The following SPATA21 variants were observed in gnomAD, a reference collection of about 807,000 sequenced individuals.
The protein encoded by SPATA21 is spermatogenesis-associated protein 21.
SPATA21 carries 47 observed loss-of-function variants against 54.8 expected under a neutral mutation model. The observed-to-expected ratio is 0.86, with a 90% CI of 0.68 to 1.09. The LOEUF (loss-of-function observed/expected upper bound fraction) is 1.09, where lower values mean the gene tolerates loss of function less well. Among genes scored for constraint, SPATA21 ranks in the 50% least tolerant of loss-of-function variants. The pLI, the probability that SPATA21 is intolerant of heterozygous loss-of-function variation, is 0.00. For missense variants in SPATA21, 599 were observed against 596.4 expected (o/e 1.00, Z -0.05); for synonymous variants, 245 against 235.3 (o/e 1.04, Z -0.38).
At chr1:16,427,816 C>T (rs1174789554) in intron 3 of SPATA21, 5 of 1,513,926 alleles carry the variant, frequency 3.3e-6, no homozygotes, top group Admixed American at 2.0e-5. Context: ...GGGTGGGCTA[C>T]AGGGGGTTCT....
intron 3 of SPATA21, among the ~76,000 whole-genome samples, chr1:16,427,622 C>T (rs755584322): frequency 6.6e-6 from 1 of 151,888 alleles, no homozygotes; most frequent in Non-Finnish European, 1.5e-5. Context: ...GAGGTTGAAC[C>T]AGGTATATGA....
chr1:16,405,409 G>T (rs2085600927), intron 7 of SPATA21, among the ~76,000 whole-genome samples: 1 of 149,084 alleles, frequency 6.7e-6, no homozygotes, highest in South Asian at 2.2e-4. Context: ...CAGCTAGGCT[G>T]AGATAGGAGG....
chr1:16,407,319 C>T (rs2085674842), intron 7 of SPATA21, among the ~76,000 whole-genome samples: 1 of 152,128 alleles, frequency 6.6e-6, no homozygotes, highest in African/African-American at 2.4e-5. Context: ...CTTCAATTAC[C>T]AGACAGGGAT....
intron 10 of SPATA21, among the ~76,000 whole-genome samples, chr1:16,402,600 A>C (rs2085490555): frequency 7.7e-6 from 1 of 130,548 alleles, no homozygotes; most frequent in Non-Finnish European, 1.7e-5. Context: ...TCTGTCACCA[A>C]GGCTGGAGTG....
At chr1:16,419,168 T>C (rs2086101506) in intron 5 of SPATA21, among the ~76,000 whole-genome samples, 1 of 152,268 alleles carries the variant, frequency 6.6e-6, no homozygotes, top group African/African-American at 2.4e-5. Flanking sequence ...GAAAAACTGA[T>C]GTCGAAATTG....
In SPATA21 at chr1:16,409,804, A is replaced by G. The variant is rs762361675; in HGVS notation, c.384T>C (p.Pro128=). 1 of 1,599,686 alleles carries G rather than the reference A, an allele frequency of 6.3e-7. No homozygotes were observed. The highest frequency in any genetic ancestry group is 2.2e-5 in the East Asian group (1 of 44,760). Residue 128 remains proline, a synonymous_variant, in exon 6 of 13, where the codon CCT becomes CCC. Coordinates refer to ENST00000335496, the MANE Select transcript of SPATA21 (RefSeq NM_198546.1). This position sits in a 1 kb window ranked among gnomAD's most constrained non-coding sequence, Gnocchi z 4.1. Reference sequence around the variant, plus strand: ...TGGCAGGGACCGAGGCAGGGGTCTGAGGCAGGCTTGGAGCTGAGGTGGGCA... The same window carrying G: ...TGGCAGGGACCGAGGCAGGGGTCTGGGGCAGGCTTGGAGCTGAGGTGGGCA... ...TPVPTSAPSL[P]QTPASVPASG... is the part of the protein sequence containing the mutation.
At chr1:16,399,898 C>G (rs182241559) in intron 11 of SPATA21, among the ~76,000 whole-genome samples, 1 of 152,132 alleles carries the variant, frequency 6.6e-6, no homozygotes, top group African/African-American at 2.4e-5. Flanking sequence ...TAAATGGTAC[C>G]TGGGGGAAGG....
rs1279678849 is a variant in SPATA21, at chr1:16,409,724, C to T, written c.464G>A (p.Gly155Glu). ...PAPGPEPAPM[G>E]APVPTSMPCP... is the part of the protein sequence containing the mutation. ...AGGCATGGAGGTGGGGACCGGGGCT[C>T]CCATGGGGGCAGGTTCTGGCCCAGG... The change falls in exon 6 of 13, where the codon GGA becomes GAA. Residue 155 changes from glycine (G) to glutamate (E), a missense_variant. Physicochemically the swap from Gly to Glu is moderately conservative, Grantham distance 98 (BLOSUM62 -2). Transcript: ENST00000335496. The surrounding 1 kb of genome is among the most constrained non-coding windows in gnomAD (Gnocchi z 4.1). 1 of 1,612,040 alleles carries T rather than the reference C, an allele frequency of 6.2e-7. No homozygotes were observed. The highest frequency in any genetic ancestry group is 8.5e-7 in the Non-Finnish European group (1 of 1,179,554).
chr1:16,418,995 A>G (rs1367962398), intron 5 of SPATA21, among the ~76,000 whole-genome samples: 1 of 152,212 alleles, frequency 6.6e-6, no homozygotes, highest in African/African-American at 2.4e-5. Context: ...TCAACTAGCA[A>G]GGCTGCCCTC....
intron 12 of SPATA21, among the ~76,000 whole-genome samples, chr1:16,399,135 G>C (rs552009677): frequency 8.0e-4 from 122 of 152,352 alleles, no homozygotes; most frequent in African/African-American, 2.8e-3. Flanking sequence ...GAAAGCAGAA[G>C]CACTCTGGCT....
chr1:16,423,993 G>A (rs1443922138), intron 3 of SPATA21, among the ~76,000 whole-genome samples: 2 of 151,690 alleles, frequency 1.3e-5, no homozygotes, highest in East Asian at 3.9e-4. Flanking sequence ...TGGGAGGGGG[G>A]ATGAGAAAGG....
chr1:16,431,744 G>A (rs910742435), intron 2 of SPATA21, among the ~76,000 whole-genome samples: 3 of 152,084 alleles, frequency 2.0e-5, no homozygotes, highest in Non-Finnish European at 4.4e-5. Flanking sequence ...TTTCCCCGAC[G>A]GCGACATTTC....
Position 16,409,996 on chromosome 1 carries a change from C to A in SPATA21, c.192G>T (p.Gln64His). Residue 64 changes from glutamine (Q) to histidine (H), a missense_variant, in exon 6 of 13, where the codon CAG becomes CAT. Coordinates refer to ENST00000335496, the MANE Select transcript of SPATA21 (RefSeq NM_198546.1). The surrounding 1 kb of genome is among the most constrained non-coding windows in gnomAD (Gnocchi z 4.1). ...GERREPDRAQ[Q>H]QPQKPAVAAG... ...CAGCCACCGCGGGCTTCTGAGGCTG[C>A]TGCTGCGCACGGTCTGGCTCCCGCC... The A allele has an allele frequency of 6.3e-7, 1 of 1,593,584 alleles. No individual in the cohort carries two copies. Among genetic ancestry groups the A allele is most frequent in the African/African-American group, 1.3e-5 (1 of 74,432 alleles).
chr1:16,419,165 T>G (rs2086101437), intron 5 of SPATA21, among the ~76,000 whole-genome samples: 1 of 152,138 alleles, frequency 6.6e-6, no homozygotes, highest in Non-Finnish European at 1.5e-5. Flanking sequence ...GTGGAAAAAC[T>G]GATGTCGAAA....
intron 5 of SPATA21, among the ~76,000 whole-genome samples, chr1:16,411,211 G>A (rs1302287669): frequency 1.3e-5 from 2 of 152,056 alleles, no homozygotes; most frequent in Admixed American, 6.6e-5. Flanking sequence ...GAAAGAAATA[G>A]GGTCTCGTTT....
chr1:16,397,476 T>C (rs188610814), downstream of SPATA21: 1 of 152,390 alleles, frequency 6.6e-6, no homozygotes, highest in African/African-American at 2.4e-5. The surrounding 1 kb of genome is among the most constrained non-coding windows in gnomAD (Gnocchi z 5.4). Context: ...TTTTTTCCTT[T>C]TCTTTTTTAA....
At chr1:16,425,694 G>T (rs186237912) in intron 3 of SPATA21, 7 of 1,550,010 alleles carry the variant, frequency 4.5e-6, no homozygotes, top group Non-Finnish European at 6.1e-6. Flanking sequence ...TGCAGCTCCT[G>T]GGACCCTTCC....
chr1:16,408,941 C>G (rs907984117), intron 7 of SPATA21, among the ~76,000 whole-genome samples, 177 bp downstream of exon 7: 1 of 151,576 alleles, frequency 6.6e-6, no homozygotes, highest in Non-Finnish European at 1.5e-5. Flanking sequence ...TGAGCTGGAG[C>G]CAATCCCCTA....
chr1:16,428,568 T>TA lies in SPATA21; in HGVS notation c.34+2769dup, dbSNP rs752158216. Among the ~76,000 whole-genome samples the TA allele has an allele frequency of 2.0e-5, 3 of 151,528 alleles. No individual in the cohort carries two copies. The highest frequency in any genetic ancestry group is 2.9e-5 in the Non-Finnish European group (2 of 67,942). On this transcript the variant is annotated intron_variant, in intron 3 of 12. Coordinates refer to ENST00000335496, the MANE Select transcript of SPATA21 (RefSeq NM_198546.1). The surrounding 1 kb of genome is among the most constrained non-coding windows in gnomAD (Gnocchi z 4.3). ...CCATGCCCAACTAATTTTTTTTTTTTATTTTTTTTGTAGGCCAGGCTGGTC... is the reference window on the plus strand; with the variant it reads ...CCATGCCCAACTAATTTTTTTTTTTTAATTTTTTTTGTAGGCCAGGCTGGTC...
Sources: gnomAD v4.1 joint callset for allele counts (sites outside exome capture counted in the v4.1 genomes callset) on GRCh38, gnomAD v4.1.1 for gene constraint, Gnocchi (gnomAD v3.1) non-coding constraint, MANE v1.5 for transcripts, NCBI Gene and HGNC (gene_info 2026-07-23, HGNC 2026-07-21) for gene names.